The following COL5A1 variants were observed in gnomAD, a reference collection of about 807,000 sequenced individuals.
The protein encoded by COL5A1 is collagen alpha-1(V) chain.
In COL5A1, 16 loss-of-function variants were observed where a neutral mutation model predicts 263.7. That is an observed-to-expected ratio of 0.06 (90% CI 0.04 to 0.09). COL5A1 has a LOEUF of 0.09. Among genes scored for constraint, COL5A1 ranks in the 10% least tolerant of loss-of-function variants. The pLI is 1.00. For missense variants in COL5A1, 2,036 were observed against 2,540.5 expected (o/e 0.80, Z 4.27); for synonymous variants, 1,012 against 1,004.5 (o/e 1.01, Z -0.14).
At chr9:134,749,274 C>T (rs573143274) in intron 11 of COL5A1, among the ~76,000 whole-genome samples, 1 of 152,218 alleles carries the variant, frequency 6.6e-6, no homozygotes, top group Non-Finnish European at 1.5e-5. Flanking sequence ...AGCCACACAG[C>T]CTCATAGTGA....
At chr9:134,782,208 T>G (rs879257103) in intron 28 of COL5A1, among the ~76,000 whole-genome samples, 19 of 151,908 alleles carry the variant, frequency 1.3e-4, no homozygotes, top group Non-Finnish European at 1.8e-4. Flanking sequence ...CAGAAAGCAC[T>G]GCCTGTTACT....
chr9:134,792,790 TGTGTG>T (rs1837746681), intron 32 of COL5A1, among the ~76,000 whole-genome samples: 1 of 150,778 alleles, frequency 6.6e-6, no homozygotes, highest in African/African-American at 2.5e-5. Flanking sequence ...TACATATGTG[TGTGTG>T]CATGTGTGCG....
chr9:134,817,402 G>C (rs964446713), intron 53 of COL5A1, among the ~76,000 whole-genome samples: 2 of 152,230 alleles, frequency 1.3e-5, no homozygotes, highest in Admixed American at 1.3e-4. Flanking sequence ...AAATGAGAAG[G>C]CATCTTTTGC....
At chr9:134,796,255 C>G in intron 34 of COL5A1, 119 bp from the exon 35 acceptor site, 1 of 1,138,284 alleles carries the variant, frequency 8.8e-7, no homozygotes. Context: ...TCAGGGCCAC[C>G]TTCAGGGGTG....
chr9:134,718,015 C>CG (rs1554785497), intron 4 of COL5A1, among the ~76,000 whole-genome samples: 2 of 152,050 alleles, frequency 1.3e-5, no homozygotes, highest in Non-Finnish European at 2.9e-5. Flanking sequence ...GCTGGGGGGC[C>CG]GCGGCCACGG....
At position 134,842,298 on chromosome 9, in the gene COL5A1, G is replaced by A. The variant is rs1830130130; in HGVS notation, c.5512G>A (p.Gly1838Ser). Reference protein sequence around the residue: ...GFEVGPACFMG With the variant: ...GFEVGPACFMS ...TGAAGTGGGGCCGGCTTGCTTCATG[G>A]GCTAGGAGCCGCCGAGCCCGGGCTC... Residue 1838 changes from glycine to serine, a missense_variant, in exon 66 of 66, where the codon GGC becomes AGC. Physicochemically the swap from Gly to Ser is moderately conservative, Grantham distance 56. Coordinates refer to ENST00000371817, the MANE Select transcript of COL5A1 (RefSeq NM_000093.5). The surrounding 1 kb of genome is among the most constrained non-coding windows in gnomAD (Gnocchi z 5.8). 1 of 1,614,128 alleles carries A rather than the reference G, an allele frequency of 6.2e-7. No homozygotes were observed. The highest frequency in any genetic ancestry group is 1.1e-5 in the South Asian group (1 of 91,082).
rs545788108 is a variant in COL5A1 at position 134,682,347 on chromosome 9, C to T, written c.110-8565C>T. 6.6e-6 allele frequency among the ~76,000 whole-genome samples: 1 copy of T among 152,198 alleles called. No individual in the cohort carries two copies. The highest frequency in any genetic ancestry group is 1.5e-5 in the Non-Finnish European group (1 of 68,036). The stretch of plus-strand genomic sequence containing the variant: ...TACCTGTGTCACCCAAGAGCTGCGG[C>T]TTCCTTTAGCCACCACAGCGGGCAT... On this transcript the variant is annotated intron_variant, in intron 1 of 65. Transcript: ENST00000371817. This position sits in a 1 kb window ranked among gnomAD's most constrained non-coding sequence, Gnocchi z 5.1.
At chr9:134,831,184 C>G (rs1200217241) in intron 64 of COL5A1, among the ~76,000 whole-genome samples, 2 of 152,348 alleles carry the variant, frequency 1.3e-5, no homozygotes, top group East Asian at 3.9e-4. Context: ...AGCACTGGCC[C>G]TGAGCCGCCT....
chr9:134,676,716 G>A (rs1048442651), intron 1 of COL5A1, among the ~76,000 whole-genome samples: 5 of 76,804 alleles, frequency 6.5e-5, no homozygotes, highest in African/African-American at 3.7e-4. Context: ...TGGTGGGGGT[G>A]GTGCTTCATT....
chr9:134,727,791 T>C (rs953603463), intron 5 of COL5A1, among the ~76,000 whole-genome samples: 1 of 152,174 alleles, frequency 6.6e-6, no homozygotes, highest in Non-Finnish European at 1.5e-5. Context: ...GCTTGTCTAC[T>C]GTAGAATGGC....
At chr9:134,746,764 A>T (rs1280163236) in intron 11 of COL5A1, among the ~76,000 whole-genome samples, 1 of 152,230 alleles carries the variant, frequency 6.6e-6, no homozygotes, top group East Asian at 1.9e-4. Flanking sequence ...GTAACAGGAA[A>T]ATACATGCAA....
intron 9 of COL5A1, among the ~76,000 whole-genome samples, chr9:134,733,080 C>T (rs898801955): frequency 2.0e-5 from 3 of 152,204 alleles, no homozygotes; most frequent in Admixed American, 6.5e-5. Flanking sequence ...GCACCACGGC[C>T]AGTCATGAGG....
In COL5A1 at chr9:134,731,666, G is replaced by A. The variant is rs1337436943; in HGVS notation, c.1332+3G>A. 2 of 1,611,288 alleles carry A rather than the reference G, an allele frequency of 1.2e-6. No homozygotes were observed. The highest frequency in any genetic ancestry group is 1.7e-5 in the Admixed American group (1 of 59,982). The stretch of plus-strand genomic sequence containing the variant: ...ACCAGGATACCATCTATGAAGGGGT[G>A]AGAGGGTGCAGGCCCCCGTTCCGGG... On this transcript the variant is annotated splice_donor_region_variant and intron_variant, in intron 8 of 65. Coordinates refer to ENST00000371817, the MANE Select transcript of COL5A1 (RefSeq NM_000093.5).
intron 7 of COL5A1, among the ~76,000 whole-genome samples, 179 bp downstream of exon 7, chr9:134,730,654 A>G (rs1024861495): frequency 2.0e-5 from 3 of 152,232 alleles, no homozygotes; most frequent in Non-Finnish European, 4.4e-5. Context: ...AATACTTCCC[A>G]GGGGAGGCCA....
At position 134,731,745 on chromosome 9, in the gene COL5A1, C is replaced by T. The variant is rs907267084; in HGVS notation, c.1332+82C>T. On this transcript the variant is annotated intron_variant, in intron 8 of 65. Coordinates refer to ENST00000371817, the MANE Select transcript of COL5A1 (RefSeq NM_000093.5). ...GGGGGCTCCTGCCCAAGAGCCTCCT[C>T]AGGGGTGGGCCTCTACGGGCAGCTC... 73 of 1,477,430 alleles carry T rather than the reference C, an allele frequency of 4.9e-5. 1 individual carries two copies. Among genetic ancestry groups the T allele is most frequent in the Middle Eastern group, 2.0e-4 (1 of 5,120 alleles). 91.5% of individuals were successfully genotyped at this position (1,477,430 alleles called of 1,614,324 possible).
chr9:134,644,050 T>G (rs927001347), intron 1 of COL5A1, among the ~76,000 whole-genome samples: 26 of 152,160 alleles, frequency 1.7e-4, no homozygotes, highest in Non-Finnish European at 3.4e-4. Flanking sequence ...ATTTTGCTTT[T>G]GTCAGAACAG....
rs1051360201 is a variant in COL5A1, at chr9:134,686,163, G to T, written c.110-4749G>T. On this transcript the variant is annotated intron_variant, in intron 1 of 65. Transcript: ENST00000371817. This position sits in a 1 kb window ranked among gnomAD's most constrained non-coding sequence, Gnocchi z 4.6. Reference sequence around the variant, plus strand: ...TATCAGGGTCTTTGTGCTGCCTTTTGTGGTGCATGACACCCACGCAGAACT... The same window carrying T: ...TATCAGGGTCTTTGTGCTGCCTTTTTTGGTGCATGACACCCACGCAGAACT... Among the ~76,000 whole-genome samples, 8 of 152,188 alleles carry T rather than the reference G, an allele frequency of 5.3e-5. No homozygotes were observed. The highest frequency in any genetic ancestry group is 1.9e-4 in the African/African-American group (8 of 41,446).
At chr9:134,836,517 G>T (rs1031746017) in intron 65 of COL5A1, among the ~76,000 whole-genome samples, 5 of 152,220 alleles carry the variant, frequency 3.3e-5, no homozygotes, top group Non-Finnish European at 7.3e-5. Flanking sequence ...GGGGAACGGG[G>T]CCGGCGTTAG....
chr9:134,824,645 A>G lies in COL5A1; in HGVS notation c.4744A>G (p.Arg1582Gly), dbSNP rs1839187820. ...CCAGCCCCTGCCAATCCAGGCATCC[A>G]GGACGCGGCGGAACATCGACGCCAG... ...VIQPLPIQASRTRRNIDASQL... is the reference protein window; with the variant it reads ...VIQPLPIQASGTRRNIDASQL... The change falls in exon 62 of 66, where the codon AGG (arginine) becomes GGG (glycine). Residue 1582 changes from arginine (R) to glycine (G), a missense_variant. Around this residue, in one of 3 missense-constraint regions of COL5A1, gnomAD observed 358 missense variants for 384.6 expected, o/e 0.93. Coordinates refer to ENST00000371817, the MANE Select transcript of COL5A1 (RefSeq NM_000093.5). 1.2e-6 allele frequency: 2 copies of G among 1,614,180 alleles called. No individual in the cohort carries two copies. Among genetic ancestry groups the G allele is most frequent in the Middle Eastern group, 3.3e-4 (2 of 6,062 alleles).
Sources: gnomAD v4.1 joint callset for allele counts (sites outside exome capture counted in the v4.1 genomes callset) on GRCh38, gnomAD v4.1.1 for gene constraint, gnomAD v4.1.1 regional missense constraint, Gnocchi (gnomAD v3.1) non-coding constraint, MANE v1.5 for transcripts, NCBI Gene and HGNC (gene_info 2026-07-23, HGNC 2026-07-21) for gene names.